Variants in GALNT13 observed in about 807,000 individuals in gnomAD.
The protein encoded by GALNT13 is polypeptide N-acetylgalactosaminyltransferase 13.
In GALNT13, 28 loss-of-function variants were observed where a neutral mutation model predicts 64.2. The ratio of observed to expected loss-of-function variants is 0.44; its 90% CI spans 0.32 to 0.60. The LOEUF (loss-of-function observed/expected upper bound fraction) is 0.60, where lower values mean the gene tolerates loss of function less well. Ranked by LOEUF, GALNT13 falls within the 20% of genes least tolerant of loss-of-function variation. The probability of loss-of-function intolerance (pLI) is 0.05; values close to 1 mark genes in which losing one functional copy is unlikely to be tolerated. For missense variants in GALNT13, 577 were observed against 669.8 expected (o/e 0.86, Z 1.53); for synonymous variants, 214 against 224.6 (o/e 0.95, Z 0.42).
At chr2:153,692,418 T>G in the GALNT13 span, among the ~76,000 whole-genome samples, 1 of 152,200 alleles carries the variant, frequency 6.6e-6, no homozygotes, top group African/African-American at 2.4e-5. Context: ...TTTAAAGACT[T>G]GAAAGATACA....
chr2:153,378,286 AG>A, the GALNT13 span, among the ~76,000 whole-genome samples: 28 of 149,990 alleles, frequency 1.9e-4, no homozygotes, highest in African/African-American at 6.8e-4. Context: ...ATAGATAGAT[AG>A]ATAGATAGAT....
chr2:153,906,932 G>T (rs1306255748), intron 2 of GALNT13, among the ~76,000 whole-genome samples: 5 of 149,178 alleles, frequency 3.4e-5, no homozygotes. Flanking sequence ...TTTAATGATC[G>T]CCATTCTAAC....
chr2:153,519,464 T>A, the GALNT13 span, among the ~76,000 whole-genome samples: 2 of 152,184 alleles, frequency 1.3e-5, no homozygotes, highest in African/African-American at 4.8e-5. Flanking sequence ...AATGATGGAT[T>A]GCAGCGCCAC....
the GALNT13 span, among the ~76,000 whole-genome samples, chr2:153,524,496 A>G: frequency 6.6e-6 from 1 of 152,088 alleles, no homozygotes; most frequent in African/African-American, 2.4e-5. Context: ...ACTGAAAGAG[A>G]CACTGAAGAG....
the GALNT13 span, among the ~76,000 whole-genome samples, chr2:153,527,287 C>T: frequency 2.0e-5 from 3 of 152,022 alleles, no homozygotes; most frequent in Non-Finnish European, 4.4e-5. Flanking sequence ...ATCCTAAAAG[C>T]AGCAAGAGAA....
intron 10 of GALNT13, among the ~76,000 whole-genome samples, chr2:154,398,039 G>T (rs1032706698): frequency 2.6e-5 from 4 of 152,122 alleles, no homozygotes; most frequent in Non-Finnish European, 5.9e-5. Context: ...TTTTAAAATA[G>T]AATAGTCTTT....
chr2:154,073,575 C>T (rs1391610105), intron 3 of GALNT13, among the ~76,000 whole-genome samples: 3 of 151,842 alleles, frequency 2.0e-5, no homozygotes, highest in Non-Finnish European at 2.9e-5. Flanking sequence ...GCTAAATCTG[C>T]ATAGCCCAAA....
chr2:154,137,803 A>G (rs1406727420), intron 3 of GALNT13, among the ~76,000 whole-genome samples: 1 of 152,022 alleles, frequency 6.6e-6, no homozygotes, highest in African/African-American at 2.4e-5. Flanking sequence ...TTATCAGTTT[A>G]CAGACGGTGA....
the GALNT13 span, among the ~76,000 whole-genome samples, chr2:153,135,395 A>G: frequency 6.6e-6 from 1 of 152,132 alleles, no homozygotes; most frequent in Non-Finnish European, 1.5e-5. Context: ...AAGATGGCAG[A>G]TGGAAGTCTG....
At chr2:153,461,165 A>T in the GALNT13 span, among the ~76,000 whole-genome samples, 1 of 152,008 alleles carries the variant, frequency 6.6e-6, no homozygotes, top group South Asian at 2.1e-4. Flanking sequence ...CTTTTGCTTC[A>T]TGTCTCACCA....
At chr2:153,733,609 T>G in the GALNT13 span, among the ~76,000 whole-genome samples, 1 of 152,170 alleles carries the variant, frequency 6.6e-6, no homozygotes, top group Non-Finnish European at 1.5e-5. Flanking sequence ...AATTCTGCCC[T>G]TTTTAGCAAA....
intron 4 of GALNT13, among the ~76,000 whole-genome samples, chr2:154,141,465 A>G (rs1683255611): frequency 6.6e-6 from 1 of 151,926 alleles, no homozygotes; most frequent in Non-Finnish European, 1.5e-5. Context: ...TCCATTTTTA[A>G]TGTGATTTTC....
At chr2:153,169,736 G>A in the GALNT13 span, among the ~76,000 whole-genome samples, 1 of 152,108 alleles carries the variant, frequency 6.6e-6, no homozygotes, top group Non-Finnish European at 1.5e-5. Context: ...GACACATAGA[G>A]TTGAAACCTG....
At chr2:153,404,306 A>C in the GALNT13 span, among the ~76,000 whole-genome samples, 2 of 152,216 alleles carry the variant, frequency 1.3e-5, no homozygotes, top group Admixed American at 1.3e-4. Flanking sequence ...GGATGAAGAA[A>C]GTGTGTGTTT....
the GALNT13 span, among the ~76,000 whole-genome samples, chr2:153,493,342 C>A: frequency 6.6e-6 from 1 of 151,870 alleles, no homozygotes; most frequent in Non-Finnish European, 1.5e-5. Context: ...AATGAAAGGT[C>A]TTACAAATAT....
the GALNT13 span, among the ~76,000 whole-genome samples, chr2:153,399,066 T>G: frequency 2.3e-5 from 3 of 131,924 alleles, no homozygotes; most frequent in African/African-American, 8.9e-5. Flanking sequence ...GGTCTAACGT[T>G]TAAGTCTTTA....
At chr2:153,293,178 A>G in the GALNT13 span, among the ~76,000 whole-genome samples, 1 of 151,964 alleles carries the variant, frequency 6.6e-6, no homozygotes, top group Non-Finnish European at 1.5e-5. Context: ...TGGTAGGGAG[A>G]ATAATGGATC....
chr2:153,510,318 T>C, the GALNT13 span, among the ~76,000 whole-genome samples: 1 of 152,168 alleles, frequency 6.6e-6, no homozygotes, highest in South Asian at 2.1e-4. Flanking sequence ...ATTTTATTAC[T>C]ACAATAACTC....
chr2:153,303,218 T>A, the GALNT13 span, among the ~76,000 whole-genome samples: 43,173 of 151,906 alleles, frequency 0.28, 6,275 homozygotes, highest in Middle Eastern at 0.46. Context: ...CATTTTTTTT[T>A]ATCAGTGTTT....
Sources: gnomAD v4.1 joint callset for allele counts (sites outside exome capture counted in the v4.1 genomes callset) on GRCh38, gnomAD v4.1.1 for gene constraint, MANE v1.5 for transcripts, NCBI Gene and HGNC (gene_info 2026-07-23, HGNC 2026-07-21) for gene names.